CKAP5: variants seen among roughly 807,000 people sequenced by gnomAD.
CKAP5 encodes the protein cytoskeleton-associated protein 5.
A neutral mutation model predicts 232.8 loss-of-function variants in CKAP5; 27 were observed. That is an observed-to-expected ratio of 0.12 (90% CI 0.09 to 0.16). CKAP5 has a LOEUF of 0.16. Ranked by LOEUF, CKAP5 falls within the 10% of genes least tolerant of loss-of-function variation. The pLI is 1.00. For synonymous variants in CKAP5, 785 were observed against 841.1 expected (o/e 0.93, Z 1.16); for missense variants, 1,838 against 2,424.7 (o/e 0.76, Z 5.08).
intron 1 of CKAP5, among the ~76,000 whole-genome samples, chr11:46,838,043 A>C (rs1565760685): frequency 6.6e-6 from 1 of 152,208 alleles, no homozygotes; most frequent in East Asian, 1.9e-4. Flanking sequence ...GTCAAGGTCA[A>C]TATTAAGTCA....
intron 16 of CKAP5, among the ~76,000 whole-genome samples, chr11:46,786,095 C>T (rs567083600): frequency 6.6e-6 from 1 of 152,256 alleles, no homozygotes; most frequent in Non-Finnish European, 1.5e-5. Flanking sequence ...CTCTGAAAAA[C>T]TGATCTTCCT....
At chr11:46,792,812 T>A (rs1419222163) in intron 13 of CKAP5, among the ~76,000 whole-genome samples, 1 of 152,056 alleles carries the variant, frequency 6.6e-6, no homozygotes, top group Non-Finnish European at 1.5e-5. Context: ...AGCAAGAAAA[T>A]CTGGACACAT....
chr11:46,759,434 C>T lies in CKAP5; in HGVS notation c.4403G>A (p.Arg1468Gln), dbSNP rs1174603316. 7 of 1,612,860 alleles carry T rather than the reference C, an allele frequency of 4.3e-6. No individual in the cohort carries two copies. Among genetic ancestry groups the T allele is most frequent in the African/African-American group, 2.7e-5 (2 of 74,856 alleles). The stretch of plus-strand genomic sequence containing the variant: ...TGCCTCAGGATGCCCACTCATGCTT[C>T]GGGCTTGGCTAAGGGAAGCAAAAGG... ...EDMSSKLNQA[R>Q]SMSGHPEAAQ... Residue 1468 changes from arginine to glutamine, a missense_variant, in exon 34 of 44, where the codon CGA becomes CAA. Arg to Gln is a conservative substitution (Grantham distance 43). Coordinates refer to ENST00000529230, the MANE Select transcript of CKAP5 (RefSeq NM_001008938.4).
At chr11:46,797,650 G>C (rs1040180055) in intron 11 of CKAP5, among the ~76,000 whole-genome samples, 155 bp downstream of exon 11, 5 of 152,176 alleles carry the variant, frequency 3.3e-5, no homozygotes, top group African/African-American at 1.2e-4. Flanking sequence ...GAACACAGGA[G>C]AATTTGGATT....
chr11:46,779,564 T>C (rs969739769), intron 20 of CKAP5, among the ~76,000 whole-genome samples: 5 of 152,022 alleles, frequency 3.3e-5, no homozygotes, highest in African/African-American at 1.2e-4. Context: ...TGGCTATTCA[T>C]AGTTGTGATC....
At chr11:46,823,964 A>G (rs1939599024) in intron 1 of CKAP5, among the ~76,000 whole-genome samples, 1 of 152,198 alleles carries the variant, frequency 6.6e-6, no homozygotes, top group Non-Finnish European at 1.5e-5. Flanking sequence ...GGTAATATCT[A>G]TTCTGAATCA....
In CKAP5 at chr11:46,790,173, T is replaced by G. The variant is rs979549455; in HGVS notation, c.1778A>C (p.Glu593Ala). ...GGGAAGAACAGCTGAAGCTTTTTCT[T>G]CACATACTTCTATCTGTAAGATACA... ...VEPELSIEVC[E>A]EKASAVLPPT... Residue 593 changes from glutamate to alanine, a missense_variant, in exon 15 of 44, where the codon GAA (glutamate) becomes GCA (alanine). Around this residue, in one of 6 missense-constraint regions of CKAP5, gnomAD observed 767 missense variants for 954.6 expected, o/e 0.80. Coordinates refer to ENST00000529230, the MANE Select transcript of CKAP5 (RefSeq NM_001008938.4). 11 of 1,602,476 alleles carry G rather than the reference T, an allele frequency of 6.9e-6. No individual in the cohort carries two copies. The highest frequency in any genetic ancestry group is 2.7e-5 in the African/African-American group (2 of 74,668).
chr11:46,830,302 G>A (rs1018484232), intron 1 of CKAP5, among the ~76,000 whole-genome samples: 6 of 151,806 alleles, frequency 4.0e-5, no homozygotes, highest in East Asian at 3.9e-4. Context: ...TTAGCCGGGC[G>A]TGGTGGCAGG....
At chr11:46,747,118 G>C (rs758284000) in intron 42 of CKAP5, among the ~76,000 whole-genome samples, 58 of 152,262 alleles carry the variant, frequency 3.8e-4, no homozygotes, top group Admixed American at 1.0e-3. Flanking sequence ...CTGGATGACA[G>C]AGTGAGACCC....
In CKAP5 at chr11:46,788,792, A is replaced by C. The variant is rs754020487; in HGVS notation, c.1876-19T>G. ...CAACAGCCTTGAAGTAAAATAAGAG[A>C]ATAAGAGTTTAAGGGTTAAAGGTTA... is the stretch of plus-strand genomic sequence containing the variant. On this transcript the variant is annotated intron_variant, in intron 15 of 43. Transcript: ENST00000529230. 5 of 1,557,968 alleles carry C rather than the reference A, an allele frequency of 3.2e-6. No individual in the cohort carries two copies. The African/African-American group carries it at 6.9e-5, about 21-fold the overall frequency.
In CKAP5 at chr11:46,755,020, G is replaced by A; in HGVS notation, c.4737C>T (p.Gly1579=). 3.7e-6 allele frequency: 6 copies of A among 1,613,440 alleles called. No individual in the cohort carries two copies. Among genetic ancestry groups the A allele is most frequent in the Non-Finnish European group, 5.1e-6 (6 of 1,179,756 alleles). Residue 1579 remains glycine, a synonymous_variant, in exon 36 of 44, where the codon GGC becomes GGT. Transcript: ENST00000529230. ...TGGCTATCAGAAACTGATCAATATGGCCGGACATGGCTTCAGCTTTGTCTT... is the reference window on the plus strand; with the variant it reads ...TGGCTATCAGAAACTGATCAATATGACCGGACATGGCTTCAGCTTTGTCTT... ...RQEDKAEAMS[G]HIDQFLIATF...
chr11:46,829,541 C>T (rs988011460), intron 1 of CKAP5, among the ~76,000 whole-genome samples: 2 of 152,144 alleles, frequency 1.3e-5, no homozygotes, highest in Non-Finnish European at 2.9e-5. Context: ...TATTTTTCCT[C>T]CTTCTGATTT....
chr11:46,791,245 GT>G (rs201703341), intron 13 of CKAP5, among the ~76,000 whole-genome samples: 18,974 of 144,862 alleles, frequency 0.13, 1,672 homozygotes, highest in East Asian at 0.56. Context: ...ATTTATTTGG[GT>G]TTTTTTTTTT....
At chr11:46,793,372 T>C (rs1938786582) in intron 13 of CKAP5, among the ~76,000 whole-genome samples, 1 of 152,190 alleles carries the variant, frequency 6.6e-6, no homozygotes, top group South Asian at 2.1e-4. Flanking sequence ...ACTTTTTGCA[T>C]CTGCAGCAGA....
At chr11:46,772,639 C>G (rs1240269339) in intron 24 of CKAP5, among the ~76,000 whole-genome samples, 1 of 152,068 alleles carries the variant, frequency 6.6e-6, no homozygotes, top group Non-Finnish European at 1.5e-5. Context: ...TTCCAATGAT[C>G]TACGTGTCTA....
chr11:46,779,963 G>C (rs2065325562), intron 20 of CKAP5, among the ~76,000 whole-genome samples: 2 of 152,016 alleles, frequency 1.3e-5, no homozygotes, highest in African/African-American at 4.8e-5. Flanking sequence ...ACCTCTCCTT[G>C]GGCAACTGGT....
intron 1 of CKAP5, among the ~76,000 whole-genome samples, chr11:46,843,150 G>C (rs1171314422): frequency 6.6e-6 from 1 of 151,848 alleles, no homozygotes. Context: ...AAACAAGTTT[G>C]CTATATTTAC....
rs1326130389 is a variant in CKAP5, at chr11:46,754,918, C to A, written c.4839G>T (p.Leu1613Phe). Reference protein sequence around the residue: ...EKLEKDEIIKLYSCIIGNMIS... With the variant: ...EKLEKDEIIKFYSCIIGNMIS... ...TCATGTTGCCAATGATACAGCTATA[C>A]AACTTGATGATCTCGTCCTTCTCCA... Residue 1613 changes from leucine to phenylalanine, a missense_variant, in exon 36 of 44, where the codon TTG becomes TTT. Transcript: ENST00000529230. 1.2e-6 allele frequency: 2 copies of A among 1,613,620 alleles called. No homozygotes were observed. The highest frequency in any genetic ancestry group is 1.3e-5 in the African/African-American group (1 of 74,914).
chr11:46,839,340 C>T (rs1012420632), intron 1 of CKAP5, among the ~76,000 whole-genome samples: 13 of 152,166 alleles, frequency 8.5e-5, no homozygotes, highest in African/African-American at 3.1e-4. Context: ...GAGTTATACA[C>T]ATCAAGTAGG....
Sources: gnomAD v4.1 joint callset for allele counts (sites outside exome capture counted in the v4.1 genomes callset) on GRCh38, gnomAD v4.1.1 for gene constraint, gnomAD v4.1.1 regional missense constraint, MANE v1.5 for transcripts, NCBI Gene and HGNC (gene_info 2026-07-23, HGNC 2026-07-21) for gene names.